The following ST8SIA1 variants were observed in gnomAD, a reference collection of about 807,000 sequenced individuals.
The protein encoded by ST8SIA1 is ST8 alpha-N-acetyl-neuraminide alpha-2,8-sialyltransferase 1, also known as alpha-N-acetylneuraminide alpha-2,8-sialyltransferase.
A neutral mutation model predicts 35.9 loss-of-function variants in ST8SIA1; 16 were observed. That is an observed-to-expected ratio of 0.45 (90% confidence interval 0.30 to 0.68). The LOEUF is 0.68. ST8SIA1 is among the 30% of genes least tolerant of loss of function. The probability of loss-of-function intolerance (pLI) is 0.09; values close to 1 mark genes in which losing one functional copy is unlikely to be tolerated. For synonymous variants in ST8SIA1, 170 were observed against 169.6 expected, an observed-to-expected ratio of 1.00 and a Z score of -0.02; for missense variants, 383 against 453.6, an observed-to-expected ratio of 0.84 and a Z score of 1.41.
In ST8SIA1 at chr12:22,282,246, C is replaced by A. The variant is rs116396752; in HGVS notation, c.381+4903G>T. Among the ~76,000 whole-genome samples the A allele has an allele frequency of 2.2e-3, 328 of 152,190 alleles. 4 individuals are homozygous for A. Among genetic ancestry groups the A allele is most frequent in the African/African-American group, 7.7e-3 (318 of 41,516 alleles). On this transcript the variant is annotated intron_variant, in intron 2 of 4. Coordinates refer to ENST00000396037, the MANE Select transcript of ST8SIA1 (RefSeq NM_003034.4). ...CCCTTCCACCTACCAGCTCTGGGACCCTCAATAAGGTATTTAACCCCTCTC... is the reference window on the plus strand; with the variant it reads ...CCCTTCCACCTACCAGCTCTGGGACACTCAATAAGGTATTTAACCCCTCTC...
At chr12:22,301,613 G>C (rs1866319467) in intron 1 of ST8SIA1, among the ~76,000 whole-genome samples, 1 of 152,162 alleles carries the variant, frequency 6.6e-6, no homozygotes, top group Non-Finnish European at 1.5e-5. Context: ...ATTTGTAACA[G>C]GACACAGTTG....
chr12:22,264,243 T>C (rs1865822642), intron 2 of ST8SIA1, among the ~76,000 whole-genome samples: 1 of 152,130 alleles, frequency 6.6e-6, no homozygotes, highest in Admixed American at 6.5e-5. Context: ...CCTTAACATA[T>C]TTAATTGCAC....
At position 22,210,325 on chromosome 12, in the gene ST8SIA1, C is replaced by A. The variant is rs972968303; in HGVS notation, c.585-8287G>T. ...TAAAGCTGAAAAAAAATGGTTACCT[C>A]CAGGGATAGCAGTGGTATGGAGGTA... On this transcript the variant is annotated intron_variant, in intron 4 of 4. Coordinates refer to ENST00000396037, the MANE Select transcript of ST8SIA1 (RefSeq NM_003034.4). Among the ~76,000 whole-genome samples the A allele has an allele frequency of 2.6e-5, 4 of 152,080 alleles. No individual in the cohort carries two copies. In the East Asian group the frequency reaches 7.7e-4, roughly 29 times the overall value.
In ST8SIA1 at chr12:22,200,340, C is replaced by G. The variant is rs974442585; in HGVS notation, c.*1212G>C. On this transcript the variant is annotated 3_prime_UTR_variant, in exon 5 of 5. Transcript: ENST00000396037. ...CTCCAACACTGGTTACAAATTTTTG[C>G]CATACCAGGTCATATGAGTTCAGCT... is the stretch of plus-strand genomic sequence containing the variant. 6 of 152,094 alleles carry G rather than the reference C, an allele frequency of 3.9e-5. No individual in the cohort carries two copies. The highest frequency in any genetic ancestry group is 1.4e-4 in the African/African-American group (6 of 41,414). 9.4% of individuals were successfully genotyped at this position (152,094 alleles called of 1,614,324 possible).
chr12:22,287,436 C>A, intron 1 of ST8SIA1, 143 bp from the exon 2 acceptor site: 1 of 596,678 alleles, frequency 1.7e-6, no homozygotes, highest in Non-Finnish European at 2.6e-6. Context: ...GATTAGACTA[C>A]TATTAATTCA....
chr12:22,330,624 G>A (rs531699660), intron 1 of ST8SIA1, among the ~76,000 whole-genome samples: 1 of 152,026 alleles, frequency 6.6e-6, no homozygotes, highest in South Asian at 2.1e-4. Flanking sequence ...TGAAGACCAG[G>A]GCATGTTCAT....
chr12:22,281,444 A>G (rs73251924), intron 2 of ST8SIA1, among the ~76,000 whole-genome samples: 6,181 of 152,266 alleles, frequency 0.041, 438 homozygotes, highest in African/African-American at 0.14. Flanking sequence ...TGGCAGGGCC[A>G]ATTACCTTAA....
At chr12:22,312,706 C>T (rs1375099977) in intron 1 of ST8SIA1, among the ~76,000 whole-genome samples, 2 of 135,018 alleles carry the variant, frequency 1.5e-5, no homozygotes, top group Non-Finnish European at 3.1e-5. Context: ...AGGGGCGTCA[C>T]GGAAATGAAA....
chr12:22,302,828 T>C (rs1565591120), intron 1 of ST8SIA1, among the ~76,000 whole-genome samples: 1 of 152,050 alleles, frequency 6.6e-6, no homozygotes, highest in African/African-American at 2.4e-5. Context: ...GAAAGGCTAA[T>C]CAGAACTCAA....
intron 1 of ST8SIA1, 187 bp downstream of exon 1, chr12:22,333,810 G>C (rs1485214672): frequency 1.3e-6 from 1 of 768,308 alleles, no homozygotes; most frequent in East Asian, 2.4e-5. Flanking sequence ...GGGATCAGGG[G>C]TGGGGAAGGA....
At chr12:22,202,957 A>G (rs2120609123) in intron 4 of ST8SIA1, among the ~76,000 whole-genome samples, 1 of 152,342 alleles carries the variant, frequency 6.6e-6, no homozygotes, top group South Asian at 2.1e-4. Flanking sequence ...TGGCGGCAGC[A>G]GTGGCTGAAG....
intron 1 of ST8SIA1, among the ~76,000 whole-genome samples, chr12:22,304,301 T>A (rs1866356180): frequency 6.6e-6 from 1 of 151,916 alleles, no homozygotes; most frequent in Admixed American, 6.5e-5. Flanking sequence ...TGTTGGCATT[T>A]TTTTTCTCCT....
chr12:22,248,445 CA>C (rs1480570395), intron 4 of ST8SIA1, among the ~76,000 whole-genome samples: 1 of 151,644 alleles, frequency 6.6e-6, no homozygotes, highest in Non-Finnish European at 1.5e-5. Flanking sequence ...AGATTCCAGG[CA>C]ATTTCAAGAT....
At chr12:22,291,655 T>C (rs1866178242) in intron 1 of ST8SIA1, among the ~76,000 whole-genome samples, 1 of 152,208 alleles carries the variant, frequency 6.6e-6, no homozygotes, top group South Asian at 2.1e-4. Flanking sequence ...TAACCAAGTA[T>C]GCAATCTAAA....
At chr12:22,207,933 A>C (rs1000726689) in intron 4 of ST8SIA1, among the ~76,000 whole-genome samples, 1 of 152,218 alleles carries the variant, frequency 6.6e-6, no homozygotes, top group South Asian at 2.1e-4. Flanking sequence ...TCACGAGGTC[A>C]GGAGTTCGAG....
At chr12:22,231,079 T>C (rs1391508151) in intron 4 of ST8SIA1, among the ~76,000 whole-genome samples, 1 of 149,236 alleles carries the variant, frequency 6.7e-6, no homozygotes, top group African/African-American at 2.5e-5. Flanking sequence ...TGAGCATGAG[T>C]ATTTAAATAT....
intron 2 of ST8SIA1, among the ~76,000 whole-genome samples, chr12:22,278,976 A>G (rs16924864): frequency 0.054 from 8,240 of 152,242 alleles, 336 homozygotes; most frequent in East Asian, 0.15. Context: ...TAATTACCTA[A>G]CAATTTTCCC....
intron 3 of ST8SIA1, among the ~76,000 whole-genome samples, chr12:22,253,457 G>C (rs1363167906): frequency 3.3e-5 from 5 of 152,074 alleles, no homozygotes; most frequent in African/African-American, 1.2e-4. Flanking sequence ...TTCCCACCTT[G>C]GACTCTTGGG....
At chr12:22,305,343 G>A (rs1591850997) in intron 1 of ST8SIA1, among the ~76,000 whole-genome samples, 1 of 151,280 alleles carries the variant, frequency 6.6e-6, no homozygotes, top group African/African-American at 2.4e-5. Flanking sequence ...TTACAGGTAC[G>A]GTAATATTAG....
Sources: gnomAD v4.1 joint callset for allele counts (sites outside exome capture counted in the v4.1 genomes callset) on GRCh38, gnomAD v4.1.1 for gene constraint, MANE v1.5 for transcripts, NCBI Gene and HGNC (gene_info 2026-07-23, HGNC 2026-07-21) for gene names.